Variants in TTC21B observed in about 807,000 individuals in gnomAD.
The protein encoded by TTC21B is tetratricopeptide repeat protein 21B.
TTC21B carries 127 observed loss-of-function variants against 175.1 expected under a neutral mutation model. That is an observed-to-expected ratio of 0.73 (90% confidence interval 0.63 to 0.84). The LOEUF (loss-of-function observed/expected upper bound fraction) is 0.84. Ranked by LOEUF, TTC21B falls within the 40% of genes least tolerant of loss-of-function variation. The probability of loss-of-function intolerance (pLI) is 0.00; values close to 1 mark genes in which losing one functional copy is unlikely to be tolerated. For synonymous variants in TTC21B, 524 were observed against 524.5 expected (o/e 1.00, Z 0.01); for missense variants, 1,561 against 1,558.3 (o/e 1.00, Z -0.03).
In TTC21B at chr2:165,881,799, T is replaced by C. The variant is rs192160944; in HGVS notation, c.3685-1000A>G. Among the ~76,000 whole-genome samples, 545 of 152,222 alleles carry C rather than the reference T, an allele frequency of 3.6e-3. 5 individuals carry two copies. The highest frequency in any genetic ancestry group is 0.012 in the African/African-American group (500 of 41,548). ...TTTCCAGAATATGAGTTTAAAAATA[T>C]TGAAAAATCTGAAAGTATATATTAA... On this transcript the variant is annotated intron_variant, in intron 26 of 28. Transcript: ENST00000243344.
chr2:165,929,551 C>T (rs1686806029), intron 10 of TTC21B, 99 bp downstream of exon 10: 2 of 947,146 alleles, frequency 2.1e-6, no homozygotes, highest in Non-Finnish European at 1.7e-6. Flanking sequence ...TTAGTGTACA[C>T]TAGTGCTTTA....
At chr2:165,875,017 T>C (rs954521711) in intron 28 of TTC21B, among the ~76,000 whole-genome samples, 185 bp from the exon 29 acceptor site, 2 of 152,180 alleles carry the variant, frequency 1.3e-5, no homozygotes, top group Non-Finnish European at 2.9e-5. Flanking sequence ...TTAATGGTAG[T>C]TAGATGAGAA....
rs775054824 is a variant in TTC21B, at chr2:165,890,464, T to C, written c.3263+15A>G. On this transcript the variant is annotated intron_variant, in intron 24 of 28. Coordinates refer to ENST00000243344, the MANE Select transcript of TTC21B (RefSeq NM_024753.5). The stretch of plus-strand genomic sequence containing the variant: ...AAGTGTTTTTTAAAAAAGGATAATA[T>C]GTCAAATAACTCACCCCAGGTCTCC... 3 of 1,612,554 alleles carry C rather than the reference T, an allele frequency of 1.9e-6. No individual in the cohort carries two copies. The highest frequency in any genetic ancestry group is 2.2e-5 in the South Asian group (2 of 91,008).
Position 165,907,669 on chromosome 2 carries a change from T to A in TTC21B, c.2568+9A>T. ...CCTCATGACCACACTCACAGACAAA[T>A]GTGTTTACCTGTTGTAATGCAGTGA... On this transcript the variant is annotated intron_variant, in intron 19 of 28. Transcript: ENST00000243344. 6.4e-7 allele frequency: 1 copy of A among 1,572,948 alleles called. No homozygotes were observed. The highest frequency in any genetic ancestry group is 1.3e-5 in the African/African-American group (1 of 74,318).
chr2:165,953,653 C>CCGCTCACT (rs1358608043), intron 1 of TTC21B, 32 bp downstream of exon 1: 7 of 1,533,442 alleles, frequency 4.6e-6, no homozygotes, highest in Non-Finnish European at 5.3e-6. Context: ...GCCCGCCCGC[C>CCGCTCACT]CGCTCACCCG....
intron 6 of TTC21B, among the ~76,000 whole-genome samples, chr2:165,940,032 T>A (rs1687305766): frequency 1.3e-5 from 2 of 152,204 alleles, no homozygotes; most frequent in South Asian, 4.1e-4. Context: ...GAGCCAGGCA[T>A]TCTGAACACT....
At chr2:165,949,790 G>A in intron 1 of TTC21B, 66 bp from the exon 2 acceptor site, 1 of 1,479,218 alleles carries the variant, frequency 6.8e-7, no homozygotes, top group South Asian at 1.2e-5. Flanking sequence ...CTAAGAAGCA[G>A]ATAATAATCT....
At chr2:165,944,830 C>G (rs567954491) in intron 4 of TTC21B, among the ~76,000 whole-genome samples, 21 of 152,180 alleles carry the variant, frequency 1.4e-4, no homozygotes, top group African/African-American at 5.1e-4. Context: ...TATTTCTCAC[C>G]TTGGGAGTAC....
chr2:165,912,613 G>T lies in TTC21B; in HGVS notation c.2223C>A (p.Ala741=). 2 of 1,613,678 alleles carry T rather than the reference G, an allele frequency of 1.2e-6. No individual in the cohort carries two copies. The highest frequency in any genetic ancestry group is 1.7e-6 in the Non-Finnish European group (2 of 1,179,764). ...AYMNILEPEE[A]IVAYEQALNQ... is the part of the protein sequence containing the mutation. ...TTAATGCTTGCTCATATGCTACTAT[G>T]GCTTCTTCAGGCTAATATTGCCAGA... The change falls in exon 17 of 29, where the codon GCC becomes GCA. Residue 741 remains alanine (A), a synonymous_variant. Transcript: ENST00000243344.
chr2:165,953,263 T>C (rs572062557), intron 1 of TTC21B, among the ~76,000 whole-genome samples: 3 of 152,332 alleles, frequency 2.0e-5, no homozygotes, highest in Admixed American at 1.3e-4. Flanking sequence ...CACTTTTAAG[T>C]CTTACGTCTT....
chr2:165,911,668 A>T lies in TTC21B; in HGVS notation c.2323-203T>A, dbSNP rs199843227. Reference sequence around the variant, plus strand: ...CATGAAACAACTAATATATATATATATTTTTTTTTTTTGAGTCACAGTCTC... The same window carrying T: ...CATGAAACAACTAATATATATATATTTTTTTTTTTTTTGAGTCACAGTCTC... On this transcript the variant is annotated intron_variant, in intron 17 of 28. Coordinates refer to ENST00000243344, the MANE Select transcript of TTC21B (RefSeq NM_024753.5). Among the ~76,000 whole-genome samples, 47,604 of 134,622 alleles carry T rather than the reference A, an allele frequency of 0.35. 8,328 individuals carry two copies. Among genetic ancestry groups the T allele is most frequent in the Non-Finnish European group, 0.41 (26,542 of 64,236 alleles). 88.3% of individuals were successfully genotyped at this position (134,622 alleles called of 152,430 possible).
At position 165,904,537 on chromosome 2, in the gene TTC21B, C is replaced by T. The variant is rs544033435; in HGVS notation, c.2569-2627G>A. ...TACAAATTAATTGCAGAATGCAGAACTCTTCTGGGTACACAGGAATCTAGT... is the reference window on the plus strand; with the variant it reads ...TACAAATTAATTGCAGAATGCAGAATTCTTCTGGGTACACAGGAATCTAGT... On this transcript the variant is annotated intron_variant, in intron 19 of 28. Transcript: ENST00000243344. Among the ~76,000 whole-genome samples, 12 of 152,318 alleles carry T rather than the reference C, an allele frequency of 7.9e-5. No individual in the cohort carries two copies. The East Asian group carries it at 2.3e-3, about 29-fold the overall frequency.
intron 4 of TTC21B, 54 bp downstream of exon 4, chr2:165,945,470 C>A: frequency 3.3e-6 from 5 of 1,497,088 alleles, no homozygotes; most frequent in Non-Finnish European, 4.6e-6. Flanking sequence ...CTGGATATAT[C>A]AATAACATAA....
Position 165,949,673 on chromosome 2 carries a change from C to T in TTC21B, c.73G>A (p.Val25Ile). 2 of 1,612,844 alleles carry T rather than the reference C, an allele frequency of 1.2e-6. No homozygotes were observed. The highest frequency in any genetic ancestry group is 1.7e-6 in the Non-Finnish European group (2 of 1,179,378). The change falls in exon 2 of 29, where the codon GTT becomes ATT. Residue 25 changes from valine (V) to isoleucine (I), a missense_variant. Coordinates refer to ENST00000243344, the MANE Select transcript of TTC21B (RefSeq NM_024753.5). ...TACCTCTTAATTCCTTCACTGGCAA[C>T]CAGTAATACATGATGGAAATATCTC... ...QERYFHHVLLVASEGIKRYGS... is the reference protein window; with the variant it reads ...QERYFHHVLLIASEGIKRYGS...
rs1256640036 is a variant in TTC21B, at chr2:165,884,024, A to C, written c.3460-6T>G. 1 of 1,613,250 alleles carries C rather than the reference A, an allele frequency of 6.2e-7. No individual in the cohort carries two copies. The highest frequency in any genetic ancestry group is 1.3e-5 in the African/African-American group (1 of 74,918). ...AGCGCTGGGATATGCTCCTTCTATA[A>C]GAAAACAAAATTTTAGACCATAAGA... On this transcript the variant is annotated splice_region_variant and splice_polypyrimidine_tract_variant and intron_variant, in intron 25 of 28. Coordinates refer to ENST00000243344, the MANE Select transcript of TTC21B (RefSeq NM_024753.5).
In TTC21B at chr2:165,891,379, C is replaced by T. The variant is rs112842659; in HGVS notation, c.2951-391G>A. Among the ~76,000 whole-genome samples the T allele has an allele frequency of 9.7e-3, 1,475 of 152,242 alleles. 19 individuals are homozygous for T. The highest frequency in any genetic ancestry group is 0.033 in the African/African-American group (1,359 of 41,544). On this transcript the variant is annotated intron_variant, in intron 22 of 28. Transcript: ENST00000243344. ...CTGTCGGTCTCTGAGAACCCCTCTCCTACATACTGTTGCTAGGAAGGGTGT... is the reference window on the plus strand; with the variant it reads ...CTGTCGGTCTCTGAGAACCCCTCTCTTACATACTGTTGCTAGGAAGGGTGT...
At chr2:165,925,383 T>A (rs1438360487) in intron 11 of TTC21B, among the ~76,000 whole-genome samples, 1 of 152,218 alleles carries the variant, frequency 6.6e-6, no homozygotes, top group Non-Finnish European at 1.5e-5. Context: ...GGTCATCCAA[T>A]CACAATTTAG....
chr2:165,887,847 C>G (rs1685060789), intron 25 of TTC21B, among the ~76,000 whole-genome samples: 1 of 152,114 alleles, frequency 6.6e-6, no homozygotes, highest in South Asian at 2.1e-4. Context: ...AAATTATAAG[C>G]TATCAGTATT....
intron 13 of TTC21B, among the ~76,000 whole-genome samples, chr2:165,918,118 T>C (rs531557435): frequency 1.3e-5 from 2 of 152,344 alleles, no homozygotes; most frequent in Non-Finnish European, 2.9e-5. Context: ...ATAATCCTCC[T>C]GATGCTGAGG....
Sources: gnomAD v4.1 joint callset for allele counts (sites outside exome capture counted in the v4.1 genomes callset) on GRCh38, gnomAD v4.1.1 for gene constraint, MANE v1.5 for transcripts, NCBI Gene and HGNC (gene_info 2026-07-23, HGNC 2026-07-21) for gene names.